Variants in MIIP observed in about 807,000 individuals in gnomAD.
MIIP encodes migration and invasion-inhibitory protein.
In MIIP, 44 loss-of-function variants were observed where a neutral mutation model predicts 44.8. The observed-to-expected ratio is 0.98, with a 90% CI of 0.77 to 1.26. The LOEUF (loss-of-function observed/expected upper bound fraction) is 1.26, where lower values mean the gene tolerates loss of function less well. Ranked by LOEUF, MIIP falls within the 50% of genes most tolerant of loss-of-function variation. The probability of loss-of-function intolerance (pLI) is 0.00; values close to 1 mark genes in which losing one functional copy is unlikely to be tolerated. For synonymous variants in MIIP, 225 were observed against 218.3 expected, an observed-to-expected ratio of 1.03 and a Z score of -0.27; for missense variants, 496 against 511.7, an observed-to-expected ratio of 0.97 and a Z score of 0.30.
At chr1:12,025,028 CTTTT>C (rs147513513) in intron 4 of MIIP, among the ~76,000 whole-genome samples, 2 of 123,928 alleles carry the variant, frequency 1.6e-5, no homozygotes, top group Non-Finnish European at 3.3e-5. Flanking sequence ...AATTCCCTTC[CTTTT>C]TTTTTTTGTT....
Position 12,022,833 on chromosome 1 carries a change from C to G in MIIP, c.463C>G (p.Pro155Ala). Residue 155 changes from proline to alanine, a missense_variant and splice_region_variant, in exon 4 of 10, where the codon CCC becomes GCC. Physicochemically the swap from Pro to Ala is conservative, Grantham distance 27. Transcript: ENST00000235332. ...TGTCCCTCTGTGCTTCCTTCCTCAG[C>G]CCAGGGTGACCTTCTCTGAGGAGTC... ...ILAQQSKLSK[P>A]RVTFSEESAV... 6.2e-7 allele frequency: 1 copy of G among 1,602,108 alleles called. No individual in the cohort carries two copies. The highest frequency in any genetic ancestry group is 8.5e-7 in the Non-Finnish European group (1 of 1,173,626).
intron 4 of MIIP, 30 bp downstream of exon 4, chr1:12,022,947 T>C (rs1194305774): frequency 6.4e-7 from 1 of 1,569,628 alleles, no homozygotes; most frequent in Non-Finnish European, 8.7e-7. Context: ...TGCACACACT[T>C]TGCCTGGGAG....
chr1:12,031,163 C>A, intron 8 of MIIP, 103 bp from the exon 9 acceptor site: 1 of 1,395,806 alleles, frequency 7.2e-7, no homozygotes, highest in Non-Finnish European at 9.6e-7. Flanking sequence ...TTGGTGGGGG[C>A]CTCCTTCCTA....
intron 3 of MIIP, 142 bp downstream of exon 3, chr1:12,022,584 G>C: frequency 1.3e-6 from 1 of 767,252 alleles, no homozygotes; most frequent in South Asian, 1.9e-5. Context: ...GTCTTGCTCA[G>C]CCTAAATGCT....
rs1396417658 is a variant in MIIP, at chr1:12,031,319, C to T, written c.996C>T (p.Ala332=). The part of the protein sequence containing the change: ...IFPPKSEKSS[A]PRNLDLWSSV... ...CTCCGAAGTCTGAGAAAAGCTCAGCCCCCAGGAACCTGGACCTCTGGTCCT... is the reference window on the plus strand; with the variant it reads ...CTCCGAAGTCTGAGAAAAGCTCAGCTCCCAGGAACCTGGACCTCTGGTCCT... The change falls in exon 9 of 10, where the codon GCC becomes GCT. Residue 332 remains alanine (A), a synonymous_variant. Transcript: ENST00000235332. 6.2e-7 allele frequency: 1 copy of T among 1,614,020 alleles called. No homozygotes were observed. The highest frequency in any genetic ancestry group is 1.7e-5 in the Admixed American group (1 of 60,014).
chr1:12,029,515 C>T lies in MIIP; in HGVS notation c.715+234C>T, dbSNP rs578069966. ...CTGCCCTGTGTGGCACCATCCCACC[C>T]TCCCCAGCAGTGCCCCTGTGCTGGT... On this transcript the variant is annotated intron_variant, in intron 6 of 9. Coordinates refer to ENST00000235332, the MANE Select transcript of MIIP (RefSeq NM_021933.4). 1.5e-5 allele frequency: 10 copies of T among 686,772 alleles called. No homozygotes were observed. In the East Asian group the frequency reaches 2.5e-4, roughly 17 times the overall value. 42.5% of individuals were successfully genotyped at this position (686,772 alleles called of 1,614,324 possible).
chr1:12,021,424 A>C (rs1247823671), intron 1 of MIIP, among the ~76,000 whole-genome samples: 17 of 152,146 alleles, frequency 1.1e-4, no homozygotes, highest in Admixed American at 4.6e-4. Flanking sequence ...CAAAACAAAA[A>C]AAAATGTTTC....
intron 4 of MIIP, among the ~76,000 whole-genome samples, chr1:12,027,280 G>A (rs182446330): frequency 3.9e-5 from 6 of 152,284 alleles, no homozygotes; most frequent in Admixed American, 2.6e-4. Flanking sequence ...AAAGTGCTGG[G>A]ATTATAGGCA....
chr1:12,031,248 A>G lies in MIIP; in HGVS notation c.943-18A>G. 1.2e-6 allele frequency: 2 copies of G among 1,609,676 alleles called. No individual in the cohort carries two copies. Among genetic ancestry groups the G allele is most frequent in the Non-Finnish European group, 1.7e-6 (2 of 1,177,806 alleles). On this transcript the variant is annotated intron_variant, in intron 8 of 9. Coordinates refer to ENST00000235332, the MANE Select transcript of MIIP (RefSeq NM_021933.4). ...GCTTGTCCCAGGTCAGGCACTTTTA[A>G]CTCCTTGCCTTCCACAGCACTGCCT...
In MIIP at chr1:12,031,298, G is replaced by A. The variant is rs765449595; in HGVS notation, c.975G>A (p.Pro325=). ...HCLLGWDIFP[P]KSEKSSAPRN... is the part of the protein sequence containing the mutation. ...TGCTGGGCTGGGACATTTTTCCTCC[G>A]AAGTCTGAGAAAAGCTCAGCCCCCA... Residue 325 remains proline (P), a synonymous_variant, in exon 9 of 10, where the codon CCG becomes CCA. Transcript: ENST00000235332. 1.7e-5 allele frequency: 28 copies of A among 1,613,758 alleles called. No individual in the cohort carries two copies. The highest frequency in any genetic ancestry group is 2.1e-5 in the Non-Finnish European group (25 of 1,179,888).
chr1:12,020,362 A>T (rs1471205780), intron 1 of MIIP, among the ~76,000 whole-genome samples: 1 of 152,208 alleles, frequency 6.6e-6, no homozygotes. Context: ...ACCACTGCCC[A>T]GGAGGCGGAG....
Position 12,029,151 on chromosome 1 carries a change from G to A in MIIP, c.656+10G>A. On this transcript the variant is annotated intron_variant, in intron 5 of 9. Coordinates refer to ENST00000235332, the MANE Select transcript of MIIP (RefSeq NM_021933.4). Reference sequence around the variant, plus strand: ...TCTGCAGCCATCCTGAGTGAGCAGGGGCGGGCGAGGGTGGGCGAGGGCGGC... The same window carrying A: ...TCTGCAGCCATCCTGAGTGAGCAGGAGCGGGCGAGGGTGGGCGAGGGCGGC... 6.2e-7 allele frequency: 1 copy of A among 1,613,734 alleles called. No homozygotes were observed. Among genetic ancestry groups the A allele is most frequent in the Non-Finnish European group, 8.5e-7 (1 of 1,179,710 alleles).
chr1:12,031,655 G>A, intron 9 of MIIP, 67 bp from the exon 10 acceptor site: 1 of 1,613,708 alleles, frequency 6.2e-7, no homozygotes, highest in Non-Finnish European at 8.5e-7. Flanking sequence ...GAGGGAATGT[G>A]GCTGGAACTG....
Position 12,029,205 on chromosome 1 carries a change from T to TC in MIIP, c.657-13dup. The stretch of plus-strand genomic sequence containing the variant: ...GCGGCTCCATCCCCCGGCCTGCTCA[T>TC]CCCCCTCGCCCTCTCAGACCCCAGT... On this transcript the variant is annotated splice_polypyrimidine_tract_variant and intron_variant, in intron 5 of 9. Transcript: ENST00000235332. 2 of 1,613,348 alleles carry TC rather than the reference T, an allele frequency of 1.2e-6. No homozygotes were observed. The highest frequency in any genetic ancestry group is 1.1e-5 in the South Asian group (1 of 91,060).
chr1:12,021,919 T>C, intron 2 of MIIP, 79 bp downstream of exon 2: 1 of 1,303,780 alleles, frequency 7.7e-7, no homozygotes, highest in Non-Finnish European at 1.1e-6. Flanking sequence ...GGGCTCATCT[T>C]GTTCAATACA....
chr1:12,028,953 C>A, intron 4 of MIIP, 80 bp from the exon 5 acceptor site: 1 of 1,214,602 alleles, frequency 8.2e-7, no homozygotes, highest in South Asian at 1.3e-5. Context: ...GGCTGATCGT[C>A]TCTCCAAGCC....
Position 12,022,925 on chromosome 1 carries a change from G to A in MIIP, c.547+8G>A, listed in dbSNP as rs534864967. 7.0e-4 allele frequency: 1,117 copies of A among 1,603,692 alleles called. 3 individuals are homozygous for A. In the South Asian group the frequency reaches 8.8e-3, roughly 13 times the overall value. Reference sequence around the variant, plus strand: ...GCTATGACTGGATTGCAGGTAAGGCGTGCTGTTGCCCTGCACACACTTTGC... The same window carrying A: ...GCTATGACTGGATTGCAGGTAAGGCATGCTGTTGCCCTGCACACACTTTGC... On this transcript the variant is annotated splice_region_variant and intron_variant, in intron 4 of 9. Transcript: ENST00000235332.
intron 6 of MIIP, 145 bp downstream of exon 6, chr1:12,029,426 T>C: frequency 1.1e-6 from 1 of 952,296 alleles, no homozygotes; most frequent in Non-Finnish European, 1.5e-6. Flanking sequence ...GCCTGCAGTC[T>C]GGACAGGGTG....
At chr1:12,023,084 G>A (rs896461948) in intron 4 of MIIP, among the ~76,000 whole-genome samples, 167 bp downstream of exon 4, 1 of 124,922 alleles carries the variant, frequency 8.0e-6, no homozygotes, top group Admixed American at 8.6e-5. Flanking sequence ...TTTTTTTTGA[G>A]ACGGAGTCTC....
Sources: gnomAD v4.1 joint callset for allele counts (sites outside exome capture counted in the v4.1 genomes callset) on GRCh38, gnomAD v4.1.1 for gene constraint, MANE v1.5 for transcripts, NCBI Gene and HGNC (gene_info 2026-07-23, HGNC 2026-07-21) for gene names.